NSUN2: variants seen among roughly 807,000 people sequenced by gnomAD.
NSUN2 encodes the protein NOP2/Sun RNA methyltransferase 2, also known as RNA cytosine C(5)-methyltransferase NSUN2.
NSUN2 carries 63 observed loss-of-function variants against 92.7 expected under a neutral mutation model. The observed-to-expected ratio is 0.68, with a 90% CI of 0.56 to 0.84. The LOEUF (loss-of-function observed/expected upper bound fraction) is 0.84. Among genes scored for constraint, NSUN2 ranks in the 40% least tolerant of loss-of-function variants. The pLI is 0.00. For synonymous variants in NSUN2, 356 were observed against 348.3 expected (o/e 1.02, Z -0.25); for missense variants, 989 against 964.9 (o/e 1.02, Z -0.33).
chr5:6,626,736 A>G (rs1737672537), intron 3 of NSUN2, among the ~76,000 whole-genome samples: 1 of 152,244 alleles, frequency 6.6e-6, no homozygotes, highest in Non-Finnish European at 1.5e-5. Context: ...CACCATGCTC[A>G]ATCCAATGCC....
intron 3 of NSUN2, among the ~76,000 whole-genome samples, chr5:6,629,810 G>A (rs564678058): frequency 1.3e-5 from 2 of 152,254 alleles, no homozygotes; most frequent in Non-Finnish European, 2.9e-5. Flanking sequence ...TTCTCAGGGG[G>A]AGATCTGATG....
At chr5:6,630,636 T>C (rs1482546539) in intron 3 of NSUN2, among the ~76,000 whole-genome samples, 1 of 152,186 alleles carries the variant, frequency 6.6e-6, no homozygotes, top group Non-Finnish European at 1.5e-5. Context: ...TGCTTATCTG[T>C]GATAGGGACA....
At position 6,632,579 on chromosome 5, in the gene NSUN2, A is replaced by T; in HGVS notation, c.254+20T>A. ...GCATCCTGGCCCCAACTCCCAAAAA[A>T]TCAGGCACTGCCTCCCTACCTTTTG... On this transcript the variant is annotated intron_variant, in intron 2 of 18. Coordinates refer to ENST00000264670, the MANE Select transcript of NSUN2 (RefSeq NM_017755.6). 7 of 1,611,692 alleles carry T rather than the reference A, an allele frequency of 4.3e-6. No homozygotes were observed. The highest frequency in any genetic ancestry group is 5.9e-6 in the Non-Finnish European group (7 of 1,178,498).
intron 3 of NSUN2, among the ~76,000 whole-genome samples, chr5:6,630,880 G>A (rs34964351): frequency 0.17 from 26,320 of 152,100 alleles, 2,829 homozygotes; most frequent in East Asian, 0.48. Context: ...GGATCATGAG[G>A]TCAGGAGATG....
At position 6,605,255 on chromosome 5, in the gene NSUN2, C is replaced by T. The variant is rs180770268; in HGVS notation, c.1737+18G>A. 94 of 1,613,348 alleles carry T rather than the reference C, an allele frequency of 5.8e-5. No individual in the cohort carries two copies. The highest frequency in any genetic ancestry group is 7.7e-5 in the Non-Finnish European group (91 of 1,179,644). On this transcript the variant is annotated intron_variant, in intron 15 of 18. Transcript: ENST00000264670. ...GCATCCCGCATCACACAGCACTCAG[C>T]GTCTGTGCGGCTGGCACCTTCATCT... is the stretch of plus-strand genomic sequence containing the variant.
chr5:6,632,604 G>T lies in NSUN2; in HGVS notation c.249C>A (p.Tyr83Ter). The change falls in exon 2 of 19, where the codon TAC (tyrosine) becomes TAA (stop). Residue 83 changes from tyrosine (Y) to a stop codon, truncating the protein, a stop_gained. Transcript: ENST00000264670. LOFTEE classifies it high-confidence loss of function. ...ATCAGGCACTGCCTCCCTACCTTTT[G>T]TAACCAGTAATTCTTAAAGTGGCCG... is the stretch of plus-strand genomic sequence containing the variant. ...PLPATLRITG[Y>*]KSHAKEILHC... 6.2e-7 allele frequency: 1 copy of T among 1,613,898 alleles called. No individual in the cohort carries two copies.
intron 9 of NSUN2, among the ~76,000 whole-genome samples, chr5:6,616,357 C>T (rs1383886645): frequency 2.0e-5 from 3 of 152,202 alleles, no homozygotes; most frequent in African/African-American, 7.2e-5. Flanking sequence ...GACAACAACA[C>T]AAGTGAGCCT....
At chr5:6,604,298 G>C (rs1229333758) in intron 16 of NSUN2, 22 bp from the exon 17 acceptor site, 1 of 1,577,524 alleles carries the variant, frequency 6.3e-7, no homozygotes, top group Admixed American at 1.7e-5. Flanking sequence ...AAGAGAATGA[G>C]AGAACAGATA....
At position 6,600,608 on chromosome 5, in the gene NSUN2, G is replaced by A. The variant is rs1325222315; in HGVS notation, c.1998-376C>T. On this transcript the variant is annotated intron_variant, in intron 18 of 18. Transcript: ENST00000264670. Reference sequence around the variant, plus strand: ...AGAAGCGTTTCTCCACAGGCTCCCTGCAGCTCACCTCAAGTTTCCTAAGTG... The same window carrying A: ...AGAAGCGTTTCTCCACAGGCTCCCTACAGCTCACCTCAAGTTTCCTAAGTG... Among the ~76,000 whole-genome samples the A allele has an allele frequency of 3.3e-5, 5 of 152,134 alleles. No individual in the cohort carries two copies. In the East Asian group the frequency reaches 7.7e-4, roughly 24 times the overall value.
chr5:6,604,551 C>T lies in NSUN2; in HGVS notation c.1818+54G>A, dbSNP rs1736682322. On this transcript the variant is annotated intron_variant, in intron 16 of 18. Transcript: ENST00000264670. Reference sequence around the variant, plus strand: ...GCTGACCAGCAAGCCCATCTACTCCCGACTGCTTCAGTCATCTGTGGCTAC... The same window carrying T: ...GCTGACCAGCAAGCCCATCTACTCCTGACTGCTTCAGTCATCTGTGGCTAC... 7 of 1,514,142 alleles carry T rather than the reference C, an allele frequency of 4.6e-6. No homozygotes were observed. In the Middle Eastern group the frequency reaches 5.1e-4, roughly 111 times the overall value. The allele number at this position is 1,514,142 out of a possible 1,614,324, so 93.8% of individuals were successfully genotyped here.
At chr5:6,611,170 A>C in intron 10 of NSUN2, 85 bp from the exon 11 acceptor site, 1 of 1,451,168 alleles carries the variant, frequency 6.9e-7, no homozygotes, top group Non-Finnish European at 9.5e-7. Context: ...CATTCTCTCA[A>C]AGGTGACAAA....
intron 3 of NSUN2, among the ~76,000 whole-genome samples, chr5:6,631,562 G>GC (rs1468957383): frequency 1.3e-5 from 2 of 152,242 alleles, no homozygotes; most frequent in Non-Finnish European, 2.9e-5. Context: ...CAGCCACTCT[G>GC]CAACAGTTTT....
At chr5:6,606,936 C>A (rs758569876) in intron 13 of NSUN2, 24 bp from the exon 14 acceptor site, 2 of 1,358,934 alleles carry the variant, frequency 1.5e-6, no homozygotes, top group African/African-American at 1.4e-5. Context: ...CAGGATGAGA[C>A]AAATCAATCT....
intron 3 of NSUN2, among the ~76,000 whole-genome samples, chr5:6,628,770 T>C (rs1310310586): frequency 6.6e-6 from 1 of 152,206 alleles, no homozygotes; most frequent in African/African-American, 2.4e-5. Flanking sequence ...TGGCCAGGAA[T>C]GGTGGCTCAT....
At chr5:6,604,425 C>A (rs975779127) in intron 16 of NSUN2, 149 bp from the exon 17 acceptor site, 2 of 926,950 alleles carry the variant, frequency 2.2e-6, no homozygotes, top group Non-Finnish European at 3.3e-6. Flanking sequence ...AACCCACCCC[C>A]CCCTAGGAGG....
At chr5:6,617,080 T>C (rs1409788306) in intron 8 of NSUN2, among the ~76,000 whole-genome samples, 2 of 152,234 alleles carry the variant, frequency 1.3e-5, no homozygotes, top group Admixed American at 1.3e-4. Flanking sequence ...TCTGTTAACC[T>C]TTCCCAATAT....
At chr5:6,623,586 G>C (rs1408272052) in intron 4 of NSUN2, among the ~76,000 whole-genome samples, 1 of 152,116 alleles carries the variant, frequency 6.6e-6, no homozygotes, top group African/African-American at 2.4e-5. Flanking sequence ...GAAGCTAGAG[G>C]GGCAGCTCTC....
Position 6,609,504 on chromosome 5 carries a change from C to T in NSUN2, c.1323+322G>A, listed in dbSNP as rs376364663. Among the ~76,000 whole-genome samples the T allele has an allele frequency of 7.2e-4, 109 of 152,316 alleles. 1 individual carries two copies. Among genetic ancestry groups the T allele is most frequent in the African/African-American group, 2.5e-3 (105 of 41,562 alleles). On this transcript the variant is annotated intron_variant, in intron 12 of 18. Coordinates refer to ENST00000264670, the MANE Select transcript of NSUN2 (RefSeq NM_017755.6). Reference sequence around the variant, plus strand: ...GAACCACTCACAAGGAACTAGAGCACAGAAACCTGGGGCTTCCAATTGAGA... The same window carrying T: ...GAACCACTCACAAGGAACTAGAGCATAGAAACCTGGGGCTTCCAATTGAGA...
chr5:6,632,006 G>C (rs1285409256), intron 2 of NSUN2, 29 bp from the exon 3 acceptor site: 1 of 1,538,468 alleles, frequency 6.5e-7, no homozygotes. Context: ...GTTTCAAACT[G>C]ATCTAAAAAA....
Sources: gnomAD v4.1 joint callset for allele counts (sites outside exome capture counted in the v4.1 genomes callset) on GRCh38, gnomAD v4.1.1 for gene constraint, MANE v1.5 for transcripts, NCBI Gene and HGNC (gene_info 2026-07-23, HGNC 2026-07-21) for gene names.